The following CSNK2A1 variants were observed in gnomAD, a reference collection of about 807,000 sequenced individuals.
CSNK2A1 encodes casein kinase 2 alpha 1, also known as casein kinase II subunit alpha.
A neutral mutation model predicts 62.9 loss-of-function variants in CSNK2A1; 10 were observed. The ratio of observed to expected loss-of-function variants is 0.16; its 90% CI spans 0.10 to 0.27. CSNK2A1 has a LOEUF of 0.27. CSNK2A1 is among the 10% of genes least tolerant of loss of function. The pLI, the probability that CSNK2A1 is intolerant of heterozygous loss-of-function variation, is 1.00. For synonymous variants in CSNK2A1, 124 were observed against 167.8 expected (o/e 0.74, Z 2.02); for missense variants, 160 against 492.0 (o/e 0.33, Z 6.38).
At chr20:497,957 T>C in intron 6 of CSNK2A1, 177 bp from the exon 7 acceptor site, 1 of 552,922 alleles carries the variant, frequency 1.8e-6, no homozygotes, top group South Asian at 2.1e-5. Flanking sequence ...CTTTGGGTCT[T>C]CAACTCTTAA....
rs747745661 is a variant in CSNK2A1 at position 499,882 on chromosome 20, C to T, written c.266G>A (p.Arg89Lys). ...KREIKILENL[R>K]GGPNIITLAD... Reference sequence around the variant, plus strand: ...CAGTGTGATGATGTTGGGACCTCCTCTCAAATTCTCCAAAATCTTTATTTC... The same window carrying T: ...CAGTGTGATGATGTTGGGACCTCCTTTCAAATTCTCCAAAATCTTTATTTC... The change falls in exon 5 of 14, where the codon AGA becomes AAA. Residue 89 changes from arginine to lysine, a missense_variant. This residue lies in a region of CSNK2A1 where 94 missense variants were observed against 357.6 expected (regional missense o/e 0.26). Transcript: ENST00000217244. This position sits in a 1 kb window ranked among gnomAD's most constrained non-coding sequence, Gnocchi z 4.2. The T allele has an allele frequency of 6.2e-7, 1 of 1,613,324 alleles. No individual in the cohort carries two copies. The highest frequency in any genetic ancestry group is 1.7e-5 in the Admixed American group (1 of 59,934).
At chr20:523,456 T>C (rs1470324441) in intron 2 of CSNK2A1, among the ~76,000 whole-genome samples, 2 of 152,234 alleles carry the variant, frequency 1.3e-5, no homozygotes, top group Non-Finnish European at 2.9e-5. Context: ...AATGGAATAC[T>C]ACTCAGTAAT....
chr20:511,384 C>A (rs2018715799), intron 2 of CSNK2A1, among the ~76,000 whole-genome samples: 1 of 152,088 alleles, frequency 6.6e-6, no homozygotes, highest in African/African-American at 2.4e-5. Flanking sequence ...AAACCTAAAG[C>A]TCAGTTGCAT....
intron 1 of CSNK2A1, among the ~76,000 whole-genome samples, chr20:537,139 G>GA (rs2019349617): frequency 6.6e-6 from 1 of 151,910 alleles, no homozygotes; most frequent in Non-Finnish European, 1.5e-5. Flanking sequence ...AAACCTGTCA[G>GA]AAAAACCCAC....
chr20:542,217 T>C (rs188874806), intron 1 of CSNK2A1, among the ~76,000 whole-genome samples: 1 of 152,348 alleles, frequency 6.6e-6, no homozygotes, highest in Admixed American at 6.5e-5. Flanking sequence ...CAAATTGTCT[T>C]ATTTACTCTT....
At chr20:502,603 CCA>C (rs774702661) in intron 4 of CSNK2A1, 2 of 152,060 alleles carry the variant, frequency 1.3e-5, no homozygotes, top group African/African-American at 2.4e-5. Flanking sequence ...CACCACCTAC[CCA>C]CAGTTACAGT....
In CSNK2A1 at chr20:473,337, T is replaced by C. The variant is rs2017788455; in HGVS notation, c.*10624A>G. 4.6e-5 allele frequency: 7 copies of C among 152,546 alleles called. No homozygotes were observed. The highest frequency in any genetic ancestry group is 3.9e-4 in the Admixed American group (6 of 15,280). 9.4% of individuals were successfully genotyped at this position (152,546 alleles called of 1,614,324 possible). A position where few individuals can be genotyped will look rare whatever the true frequency, so the allele number is the denominator to read the frequency against. ...CAAGTCTCAGTCTCTGTCAGGCCCT[T>C]TGTGTCTCTGATTTTGGGGTTATGT... On this transcript the variant is annotated 3_prime_UTR_variant, in exon 14 of 14. Transcript: ENST00000217244.
At position 483,271 on chromosome 20, in the gene CSNK2A1, G is replaced by A. The variant is rs2017991579; in HGVS notation, c.*690C>T. On this transcript the variant is annotated 3_prime_UTR_variant, in exon 14 of 14. Coordinates refer to ENST00000217244, the MANE Select transcript of CSNK2A1 (RefSeq NM_177559.3). ...AAAAGTATAAATGAGTTGGATTTAG[G>A]GTTAGATCAGTAAGACATGATTCTT... The A allele has an allele frequency of 6.6e-6, 1 of 152,118 alleles. No individual in the cohort carries two copies. The highest frequency in any genetic ancestry group is 2.4e-5 in the African/African-American group (1 of 41,400). 9.4% of individuals were successfully genotyped at this position (152,118 alleles called of 1,614,324 possible).
chr20:500,035 G>A (rs1180117907), intron 4 of CSNK2A1, 101 bp from the exon 5 acceptor site: 3 of 865,786 alleles, frequency 3.5e-6, no homozygotes, highest in East Asian at 5.1e-5. Flanking sequence ...GCTTACTTAT[G>A]AGCACACCTT....
At chr20:542,161 C>T (rs1387797054) in intron 1 of CSNK2A1, among the ~76,000 whole-genome samples, 3 of 152,210 alleles carry the variant, frequency 2.0e-5, no homozygotes, top group Non-Finnish European at 4.4e-5. Flanking sequence ...GTAAAAGCTA[C>T]TTACTACACT....
intron 2 of CSNK2A1, among the ~76,000 whole-genome samples, chr20:521,034 T>C (rs1024912895): frequency 6.6e-5 from 10 of 152,172 alleles, no homozygotes; most frequent in Non-Finnish European, 2.9e-5. Flanking sequence ...AACCAGGGGT[T>C]AGGCAGAGTT....
intron 1 of CSNK2A1, among the ~76,000 whole-genome samples, chr20:540,598 C>T (rs185688829): frequency 6.6e-6 from 1 of 152,222 alleles, no homozygotes; most frequent in Admixed American, 6.5e-5. Flanking sequence ...GCAGTGGTGC[C>T]ATTACCGCTC....
chr20:487,698 G>A lies in CSNK2A1; in HGVS notation c.825-123C>T, dbSNP rs146942114. ...AAAGCAAAGAGGGATCCAAACTCAA[G>A]AGGGTAGTCTTGCACCGCTCTGCCA... On this transcript the variant is annotated intron_variant, in intron 11 of 13. Coordinates refer to ENST00000217244, the MANE Select transcript of CSNK2A1 (RefSeq NM_177559.3). 556 of 1,370,434 alleles carry A rather than the reference G, an allele frequency of 4.1e-4. 4 individuals carry two copies. In the Middle Eastern group the frequency reaches 7.6e-3, roughly 19 times the overall value. The allele number at this position is 1,370,434 out of a possible 1,614,324, so 84.9% of individuals were successfully genotyped here. A position where few individuals can be genotyped will look rare whatever the true frequency, so the allele number is the denominator to read the frequency against.
chr20:511,669 T>C (rs1326196831), intron 2 of CSNK2A1, among the ~76,000 whole-genome samples: 1 of 151,430 alleles, frequency 6.6e-6, no homozygotes, highest in African/African-American at 2.4e-5. Context: ...CCAATCCTTT[T>C]AAAGGCTGAA....
intron 2 of CSNK2A1, chr20:526,627 G>A (rs886999883): frequency 1.2e-4 from 18 of 150,180 alleles, no homozygotes; most frequent in African/African-American, 4.4e-4. Context: ...TGGGGGGGAA[G>A]AAATTAAAAA....
At chr20:515,669 C>A (rs1252186583) in intron 2 of CSNK2A1, among the ~76,000 whole-genome samples, 2 of 152,118 alleles carry the variant, frequency 1.3e-5, no homozygotes, top group Non-Finnish European at 2.9e-5. Flanking sequence ...CTCAATTGGA[C>A]CCTAAGTTCT....
At position 478,757 on chromosome 20, in the gene CSNK2A1, A is replaced by T; in HGVS notation, c.*5204T>A. 4.0e-6 allele frequency: 1 copy of T among 247,906 alleles called. No homozygotes were observed. The allele number at this position is 247,906 out of a possible 1,614,324, so 15.4% of individuals were successfully genotyped here. A position where few individuals can be genotyped will look rare whatever the true frequency, so the allele number is the denominator to read the frequency against. On this transcript the variant is annotated 3_prime_UTR_variant, in exon 14 of 14. Transcript: ENST00000217244. ...AGCCTGGGCAACACGGCAAAACTTC[A>T]TCTCTACCAAAAAAAAAAAAAAAAA...
intron 2 of CSNK2A1, among the ~76,000 whole-genome samples, chr20:524,414 T>A: frequency 8.0e-6 from 1 of 125,710 alleles, no homozygotes. Context: ...AGAGGGAGGC[T>A]CCTTCTCAAA....
intron 1 of CSNK2A1, among the ~76,000 whole-genome samples, chr20:528,292 T>C (rs2019140002): frequency 6.6e-6 from 1 of 152,186 alleles, no homozygotes; most frequent in Non-Finnish European, 1.5e-5. Context: ...TCTCCGCAGG[T>C]GATCAATAAC....
Sources: allele counts gnomAD v4.1 joint callset (sites outside exome capture counted in the v4.1 genomes callset), GRCh38; gene constraint gnomAD v4.1.1; regional missense constraint gnomAD v4.1.1; non-coding constraint Gnocchi (gnomAD v3.1); transcripts MANE v1.5; gene names NCBI Gene and HGNC (gene_info 2026-07-23, HGNC 2026-07-21).